Variants in CALN1 observed in about 807,000 individuals in gnomAD.
CALN1 encodes the protein calcium-binding protein 8.
Under a neutral mutation model 30.6 loss-of-function variants are expected in CALN1, and 17 were observed. The ratio of observed to expected loss-of-function variants is 0.56; its 90% CI spans 0.38 to 0.83. CALN1 has a LOEUF of 0.83. CALN1 is among the 40% of genes least tolerant of loss of function. The pLI is 0.00. For synonymous variants in CALN1, 156 were observed against 131.4 expected, an observed-to-expected ratio of 1.19 and a Z score of -1.28; for missense variants, 291 against 354.9, an observed-to-expected ratio of 0.82 and a Z score of 1.45.
chr7:72,004,886 T>C (rs889943905), intron 5 of CALN1, among the ~76,000 whole-genome samples: 8 of 152,158 alleles, frequency 5.3e-5, no homozygotes, highest in Non-Finnish European at 1.0e-4. Flanking sequence ...GACATACAGA[T>C]GGTAAATGAT....
Position 72,205,551 on chromosome 7 carries a change from A to AAATATATACATACATATATATAT in CALN1, c.244+73134_244+73135insATATATATATGTATGTATATATT. Reference sequence around the variant, plus strand: ...ATTTTTCTCCTGATTGCAAAAAAAAAATATATATATATATATGTATATATA... The same window carrying AAATATATACATACATATATATAT: ...ATTTTTCTCCTGATTGCAAAAAAAAAAATATATACATACATATATATATATATATATATATATATGTATATATA... On this transcript the variant is annotated intron_variant, in intron 3 of 6. Transcript: ENST00000395275. 1.3e-3 allele frequency among the ~76,000 whole-genome samples: 107 copies of AAATATATACATACATATATATAT among 83,026 alleles called. 6 individuals carry two copies. The highest frequency in any genetic ancestry group is 7.4e-3 in the African/African-American group (99 of 13,426). 54.5% of individuals were successfully genotyped at this position (83,026 alleles called of 152,430 possible). A position where few individuals can be genotyped will look rare whatever the true frequency, so the allele number is the denominator to read the frequency against.
At chr7:71,900,577 T>C (rs1217988210) in intron 5 of CALN1, among the ~76,000 whole-genome samples, 1 of 152,128 alleles carries the variant, frequency 6.6e-6, no homozygotes, top group African/African-American at 2.4e-5. Flanking sequence ...AGTGAAGGAA[T>C]GGGGCACAAT....
intron 5 of CALN1, among the ~76,000 whole-genome samples, chr7:71,823,733 A>AG (rs1248245209): frequency 6.6e-6 from 1 of 151,740 alleles, no homozygotes; most frequent in East Asian, 1.9e-4. Context: ...AGAAAAATAA[A>AG]AAAAATTAAT....
chr7:71,924,934 T>G (rs183579099), intron 5 of CALN1, among the ~76,000 whole-genome samples: 18 of 152,326 alleles, frequency 1.2e-4, no homozygotes, highest in Admixed American at 1.2e-3. Context: ...AAAATCAACC[T>G]TTAGATTTAC....
chr7:72,034,617 C>G (rs1801673872), intron 4 of CALN1, among the ~76,000 whole-genome samples: 3 of 151,344 alleles, frequency 2.0e-5, no homozygotes, highest in Admixed American at 1.3e-4. Context: ...GATGGCAAAC[C>G]CCATCTACTA....
chr7:71,919,325 T>C (rs1400462539), intron 5 of CALN1, among the ~76,000 whole-genome samples: 1 of 152,254 alleles, frequency 6.6e-6, no homozygotes, highest in Non-Finnish European at 1.5e-5. Flanking sequence ...GTCCACCAGC[T>C]GGCTCCAATC....
At chr7:72,483,317 C>T in the CALN1 span, among the ~76,000 whole-genome samples, 2 of 127,964 alleles carry the variant, frequency 1.6e-5, no homozygotes, top group Admixed American at 9.5e-5. Context: ...CAAAGGCTTG[C>T]TCTGTTGCCG....
chr7:72,219,643 A>C (rs890284723), intron 3 of CALN1, among the ~76,000 whole-genome samples: 1 of 151,574 alleles, frequency 6.6e-6, no homozygotes, highest in Admixed American at 6.6e-5. Flanking sequence ...ATGCGCGCAC[A>C]CACACACACG....
At chr7:71,958,375 A>G (rs1797076012) in intron 5 of CALN1, among the ~76,000 whole-genome samples, 1 of 152,098 alleles carries the variant, frequency 6.6e-6, no homozygotes, top group Non-Finnish European at 1.5e-5. Context: ...CTGTCTCATG[A>G]GACTCTTGGC....
chr7:72,350,019 A>C (rs193174145), intron 2 of CALN1, among the ~76,000 whole-genome samples: 1 of 152,204 alleles, frequency 6.6e-6, no homozygotes, highest in Non-Finnish European at 1.5e-5. Flanking sequence ...ATCTACGTCC[A>C]GAATGGTATC....
At chr7:72,093,070 C>G (rs972670546) in intron 4 of CALN1, among the ~76,000 whole-genome samples, 6 of 152,082 alleles carry the variant, frequency 3.9e-5, no homozygotes, top group African/African-American at 1.2e-4. Flanking sequence ...GCTCTGAAAA[C>G]AAAGTACGCA....
At chr7:72,203,979 CTTTT>C (rs869149598) in intron 3 of CALN1, among the ~76,000 whole-genome samples, 236 of 83,702 alleles carry the variant, frequency 2.8e-3, no homozygotes, top group African/African-American at 4.3e-3. Flanking sequence ...AGGCCTCTCT[CTTTT>C]TTTTTTTTTT....
At chr7:72,397,645 C>T (rs1030385037) in intron 2 of CALN1, among the ~76,000 whole-genome samples, 12 of 151,332 alleles carry the variant, frequency 7.9e-5, no homozygotes, top group Non-Finnish European at 1.8e-4. Context: ...TGAAGGTCTA[C>T]CAGTAGCCTC....
chr7:72,069,943 T>C (rs918212879), intron 4 of CALN1, among the ~76,000 whole-genome samples: 1 of 152,260 alleles, frequency 6.6e-6, no homozygotes, highest in Admixed American at 6.5e-5. Context: ...CTCTTGGGGA[T>C]GTCCTGAGGT....
Position 72,429,783 on chromosome 7 carries a change from C to A in CALN1, c.-226+17259G>T, listed in dbSNP as rs1009501274. 1.3e-4 allele frequency among the ~76,000 whole-genome samples: 20 copies of A among 148,208 alleles called. 1 individual carries two copies. The South Asian group carries it at 3.8e-3, about 28-fold the overall frequency. ...TCTGTATATATATATGTATATACAT[C>A]TATATGTATATATGTGTGTGTATAT... On this transcript the variant is annotated intron_variant, in intron 1 of 6. Transcript: ENST00000395276.
intron 4 of CALN1, among the ~76,000 whole-genome samples, chr7:72,053,810 C>T (rs1333682399): frequency 7.0e-6 from 1 of 142,944 alleles, no homozygotes; most frequent in Non-Finnish European, 1.5e-5. Context: ...CCCCCCAGGT[C>T]CCCAAAGTCC....
intron 3 of CALN1, among the ~76,000 whole-genome samples, chr7:72,239,451 T>A (rs1479257715): frequency 6.6e-6 from 1 of 152,170 alleles, no homozygotes; most frequent in Non-Finnish European, 1.5e-5. Context: ...CGCTCTGCTG[T>A]CTTAGCTTCT....
intron 3 of CALN1, among the ~76,000 whole-genome samples, chr7:72,107,166 G>T (rs906325481): frequency 1.3e-5 from 2 of 152,120 alleles, no homozygotes; most frequent in African/African-American, 4.8e-5. Context: ...GAGCAAAGAT[G>T]AGGATTTGGT....
intron 2 of CALN1, among the ~76,000 whole-genome samples, chr7:72,394,956 C>A (rs1805817639): frequency 6.6e-6 from 1 of 152,166 alleles, no homozygotes; most frequent in African/African-American, 2.4e-5. Context: ...TCGTGCCCAG[C>A]CTACATTCTA....
Sources: allele counts gnomAD v4.1 joint callset (sites outside exome capture counted in the v4.1 genomes callset), GRCh38; gene constraint gnomAD v4.1.1; transcripts MANE v1.5; gene names NCBI Gene and HGNC (gene_info 2026-07-23, HGNC 2026-07-21).